GRIN2D: variants seen among roughly 807,000 people sequenced by gnomAD.
GRIN2D encodes glutamate receptor ionotropic, NMDA 2D.
In GRIN2D, 37 loss-of-function variants were observed where a neutral mutation model predicts 103.2. The ratio of observed to expected loss-of-function variants is 0.36; its 90% CI spans 0.28 to 0.47. GRIN2D has a LOEUF of 0.47. Among genes scored for constraint, GRIN2D ranks in the 20% least tolerant of loss-of-function variants. GRIN2D has a pLI of 1.00. For missense variants in GRIN2D, 1,557 were observed against 1,910.6 expected, an observed-to-expected ratio of 0.81 and a Z score of 3.45; for synonymous variants, 845 against 885.6, an observed-to-expected ratio of 0.95 and a Z score of 0.81.
chr19:48,442,561 C>T lies in GRIN2D; in HGVS notation c.2674-39C>T, dbSNP rs1369359408. On this transcript the variant is annotated intron_variant, in intron 13 of 13. Coordinates refer to ENST00000263269, the MANE Select transcript of GRIN2D (RefSeq NM_000836.4). The surrounding 1 kb of genome is among the most constrained non-coding windows in gnomAD (Gnocchi z 7.2). The stretch of plus-strand genomic sequence containing the variant: ...AGGGGAGGCGGGCAGGCGTCCTGGG[C>T]ATCTCGCGCTGACCCCCGTCCTGTC... The T allele has an allele frequency of 6.8e-7, 1 of 1,477,606 alleles. No homozygotes were observed. The highest frequency in any genetic ancestry group is 8.9e-7 in the Non-Finnish European group (1 of 1,120,266). The allele number at this position is 1,477,606 out of a possible 1,614,324, so 91.5% of individuals were successfully genotyped here.
In GRIN2D at chr19:48,405,027, C is replaced by A. The variant is rs757085096; in HGVS notation, c.759C>A (p.Ala253=). 9 of 1,611,928 alleles carry A rather than the reference C, an allele frequency of 5.6e-6. No individual in the cohort carries two copies. Among genetic ancestry groups the A allele is most frequent in the Non-Finnish European group, 6.8e-6 (8 of 1,179,312 alleles). The part of the protein sequence containing the change: ...IRLLFCAREE[A]EPVFRAAEEA... ...TGCTCTTCTGCGCCCGAGAGGAGGC[C>A]GAGCCCGTGTTCCGCGCAGCTGAGG... Residue 253 remains alanine, a synonymous_variant, in exon 4 of 14, where the codon GCC becomes GCA. Coordinates refer to ENST00000263269, the MANE Select transcript of GRIN2D (RefSeq NM_000836.4). The surrounding 1 kb of genome is among the most constrained non-coding windows in gnomAD (Gnocchi z 5.1).
In GRIN2D at chr19:48,416,130, C is replaced by T; in HGVS notation, c.1710C>T (p.Gly570=). The change falls in exon 8 of 14, where the codon GGC becomes GGT. Residue 570 remains glycine (G), a synonymous_variant. Transcript: ENST00000263269. ...GISVMVARSN[G]TVSPSAFLEP... ...GCGTCATGGTGGCGCGCAGCAATGGCACGGTGTCCCCCTCGGCCTTCCTCG... is the reference window on the plus strand; with the variant it reads ...GCGTCATGGTGGCGCGCAGCAATGGTACGGTGTCCCCCTCGGCCTTCCTCG... 1 of 1,613,948 alleles carries T rather than the reference C, an allele frequency of 6.2e-7. No homozygotes were observed. The highest frequency in any genetic ancestry group is 8.5e-7 in the Non-Finnish European group (1 of 1,179,984).
chr19:48,442,142 C>T lies in GRIN2D; in HGVS notation c.2441-8C>T. 6.2e-7 allele frequency: 1 copy of T among 1,613,398 alleles called. No individual in the cohort carries two copies. The highest frequency in any genetic ancestry group is 8.5e-7 in the Non-Finnish European group (1 of 1,179,448). On this transcript the variant is annotated splice_region_variant and splice_polypyrimidine_tract_variant and intron_variant, in intron 12 of 13. Transcript: ENST00000263269. This position sits in a 1 kb window ranked among gnomAD's most constrained non-coding sequence, Gnocchi z 7.2. ...CATAGCAGGTGACTTTTGACCGCCC[C>T]TCCCTAGATGAGATCGAGATGCTGG...
At chr19:48,403,994 C>T (rs1437933348) in intron 3 of GRIN2D, among the ~76,000 whole-genome samples, 1 of 152,220 alleles carries the variant, frequency 6.6e-6, no homozygotes, top group Non-Finnish European at 1.5e-5. Context: ...AATTCCAGCA[C>T]TTTGGGAGGC....
chr19:48,404,186 G>A (rs34445282), intron 3 of GRIN2D, among the ~76,000 whole-genome samples: 3,660 of 151,086 alleles, frequency 0.024, 65 homozygotes, highest in Non-Finnish European at 0.038. Context: ...GTTGCAGTGA[G>A]CCGAGATTGT....
At chr19:48,419,854 G>T (rs753994939) in intron 10 of GRIN2D, 40 bp downstream of exon 10, 9 of 1,314,428 alleles carry the variant, frequency 6.8e-6, no homozygotes, top group Non-Finnish European at 8.4e-6. Context: ...CTGGGGCTGG[G>T]GCTGGAGGTC....
chr19:48,432,817 G>A (rs543206875), intron 11 of GRIN2D, among the ~76,000 whole-genome samples: 1 of 148,308 alleles, frequency 6.7e-6, no homozygotes, highest in Admixed American at 6.7e-5. Context: ...TTGAGACAGA[G>A]TCTTGCTCTG....
chr19:48,416,858 C>T (rs1970955095), intron 8 of GRIN2D, among the ~76,000 whole-genome samples: 1 of 151,796 alleles, frequency 6.6e-6, no homozygotes, highest in Non-Finnish European at 1.5e-5. Flanking sequence ...GATTCTCCTG[C>T]CTCAGCCTGC....
chr19:48,403,198 CAAAA>C (rs145115482), intron 3 of GRIN2D, among the ~76,000 whole-genome samples: 3 of 91,334 alleles, frequency 3.3e-5, no homozygotes, highest in African/African-American at 1.2e-4. Flanking sequence ...GACTCTGTCT[CAAAA>C]AAAAAAAAAA....
intron 8 of GRIN2D, among the ~76,000 whole-genome samples, chr19:48,418,033 C>CT (rs1362608820): frequency 0.047 from 6,168 of 130,140 alleles, 183 homozygotes; most frequent in South Asian, 0.078. Context: ...CCTGCGAGTT[C>CT]TTTTTTTTTT....
Position 48,442,336 on chromosome 19 carries a change from G to C in GRIN2D, c.2627G>C (p.Cys876Ser). The change falls in exon 13 of 14, where the codon TGC becomes TCC. Residue 876 changes from cysteine to serine, a missense_variant. Around this residue, in one of 7 missense-constraint regions of GRIN2D, gnomAD observed 632 missense variants for 572.8 expected, o/e 1.10. Coordinates refer to ENST00000263269, the MANE Select transcript of GRIN2D (RefSeq NM_000836.4). The surrounding 1 kb of genome is among the most constrained non-coding windows in gnomAD (Gnocchi z 7.2). ...CTGGTGTACTGGCGCCTGCGGCACT[G>C]CCTGGGGCCCACCCACCGCATGGAC... is the stretch of plus-strand genomic sequence containing the variant. Reference protein sequence around the residue: ...EHLVYWRLRHCLGPTHRMDFL... With the variant: ...EHLVYWRLRHSLGPTHRMDFL... 6.2e-7 allele frequency: 1 copy of C among 1,613,588 alleles called. No homozygotes were observed.
intron 4 of GRIN2D, among the ~76,000 whole-genome samples, chr19:48,409,556 C>T (rs10402569): frequency 0.051 from 7,824 of 151,954 alleles, 235 homozygotes; most frequent in Middle Eastern, 0.099. Context: ...GGATTACGGG[C>T]GTGAGCCACT....
At chr19:48,396,228 C>T (rs1163636656) in intron 2 of GRIN2D, among the ~76,000 whole-genome samples, 1 of 151,584 alleles carries the variant, frequency 6.6e-6, no homozygotes, top group Non-Finnish European at 1.5e-5. Context: ...TCCCTGAGGG[C>T]GTGGGTTCTG....
chr19:48,443,964 CT>C lies in GRIN2D; in HGVS notation c.*29del. ...GCGGCCCCGGGGGCCCCACCGCCCC[CT>C]TGGTCAGCGCAGGCCACGGCCCGAG... On this transcript the variant is annotated 3_prime_UTR_variant, in exon 14 of 14. Transcript: ENST00000263269. The surrounding 1 kb of genome is among the most constrained non-coding windows in gnomAD (Gnocchi z 8.9). 7.3e-7 allele frequency: 1 copy of C among 1,361,768 alleles called. No homozygotes were observed. The highest frequency in any genetic ancestry group is 9.5e-7 in the Non-Finnish European group (1 of 1,053,584). The allele number at this position is 1,361,768 out of a possible 1,614,324, so 84.4% of individuals were successfully genotyped here.
intron 11 of GRIN2D, among the ~76,000 whole-genome samples, chr19:48,437,568 C>T (rs1045239303): frequency 2.0e-5 from 3 of 152,176 alleles, no homozygotes; most frequent in African/African-American, 4.8e-5. Context: ...AATATTTCCA[C>T]CACTGGAAGC....
Position 48,444,296 on chromosome 19 carries a change from A to G in GRIN2D, c.*359A>G. The G allele has an allele frequency of 5.0e-6, 1 of 201,304 alleles. No individual in the cohort carries two copies. Among genetic ancestry groups the G allele is most frequent in the Non-Finnish European group, 1.0e-5 (1 of 100,020 alleles). 12.5% of individuals were successfully genotyped at this position (201,304 alleles called of 1,614,324 possible). On this transcript the variant is annotated 3_prime_UTR_variant, in exon 14 of 14. Coordinates refer to ENST00000263269, the MANE Select transcript of GRIN2D (RefSeq NM_000836.4). The surrounding 1 kb of genome is among the most constrained non-coding windows in gnomAD (Gnocchi z 5.5). ...GGCCGTGGCCCCCACATCACTGTGC[A>G]GCTCCCCGGCCCCAGCCGCGCCTCC...
intron 11 of GRIN2D, among the ~76,000 whole-genome samples, chr19:48,427,088 G>T (rs185308188): frequency 6.6e-6 from 1 of 152,030 alleles, no homozygotes; most frequent in Middle Eastern, 3.2e-3. Context: ...GGGAGGCTGA[G>T]GCAGGCAGGT....
Position 48,421,226 on chromosome 19 carries a change from C to G in GRIN2D, c.2092-559C>G, listed in dbSNP as rs571615537. ...GGCGGATCACCTGAGGTTGGTAGTT[C>G]GAGACCAGCCTGACCAACATGGAGA... On this transcript the variant is annotated intron_variant, in intron 10 of 13. Coordinates refer to ENST00000263269, the MANE Select transcript of GRIN2D (RefSeq NM_000836.4). The surrounding 1 kb of genome is among the most constrained non-coding windows in gnomAD (Gnocchi z 4.8). Among the ~76,000 whole-genome samples the G allele has an allele frequency of 2.6e-4, 39 of 152,140 alleles. No homozygotes were observed. The highest frequency in any genetic ancestry group is 9.2e-4 in the African/African-American group (38 of 41,526).
At chr19:48,415,913 C>A in intron 7 of GRIN2D, 89 bp from the exon 8 acceptor site, 1 of 1,213,928 alleles carries the variant, frequency 8.2e-7, no homozygotes, top group Non-Finnish European at 1.2e-6. Flanking sequence ...CACTGGTCTG[C>A]TCCCGGGGCC....
Sources: gnomAD v4.1 joint callset for allele counts (sites outside exome capture counted in the v4.1 genomes callset) on GRCh38, gnomAD v4.1.1 for gene constraint, gnomAD v4.1.1 regional missense constraint, Gnocchi (gnomAD v3.1) non-coding constraint, MANE v1.5 for transcripts, NCBI Gene and HGNC (gene_info 2026-07-23, HGNC 2026-07-21) for gene names.